PCDHGA4: variants seen among roughly 807,000 people sequenced by gnomAD.
The protein encoded by PCDHGA4 is protocadherin gamma subfamily A, 4, also known as protocadherin gamma-A4.
Under a neutral mutation model 54.6 loss-of-function variants are expected in PCDHGA4, and 38 were observed. That is an observed-to-expected ratio of 0.70 (90% confidence interval 0.54 to 0.91). PCDHGA4 has a LOEUF of 0.91. Among genes scored for constraint, PCDHGA4 ranks in the 40% least tolerant of loss-of-function variants. The pLI is 0.00. For missense variants in PCDHGA4, 1,298 were observed against 1,220.9 expected (o/e 1.06, Z -0.94); for synonymous variants, 511 against 512.9 (o/e 1.00, Z 0.05).
At chr5:141,403,507 A>G (rs373170550) in intron 1 of PCDHGA4, 1 of 1,614,006 alleles carries the variant, frequency 6.2e-7, no homozygotes, top group Non-Finnish European at 8.5e-7. Context: ...TGCAGACTGG[A>G]GACAATGGAG....
chr5:141,442,700 T>TC (rs1388243183), intron 1 of PCDHGA4, among the ~76,000 whole-genome samples: 5 of 152,198 alleles, frequency 3.3e-5, no homozygotes, highest in Non-Finnish European at 7.3e-5. Flanking sequence ...CAGACAAGAG[T>TC]ATCAGACATG....
At chr5:141,404,635 A>C (rs2094549114) in intron 1 of PCDHGA4, 1 of 1,614,130 alleles carries the variant, frequency 6.2e-7, no homozygotes, top group Non-Finnish European at 8.5e-7. Context: ...ATGCCCCAGA[A>C]ATCCTGTACC....
Position 141,356,257 on chromosome 5 carries a change from A to G in PCDHGA4, c.1150A>G (p.Thr384Ala), listed in dbSNP as rs757847704. 6.4e-7 allele frequency: 1 copy of G among 1,569,886 alleles called. No homozygotes were observed. Among genetic ancestry groups the G allele is most frequent in the Admixed American group, 1.9e-5 (1 of 52,730 alleles). ...ACCAGAAGTCACAGTTACATCTCTCACCAGCTCAGTCCAGGAATCTTCTTC... is the reference window on the plus strand; with the variant it reads ...ACCAGAAGTCACAGTTACATCTCTCGCCAGCTCAGTCCAGGAATCTTCTTC... ...NAPEVTVTSL[T>A]SSVQESSSPG... Residue 384 changes from threonine (T) to alanine (A), a missense_variant, in exon 1 of 4, where the codon ACC becomes GCC. By Grantham distance (58) the Thr-to-Ala change is moderately conservative. Coordinates refer to ENST00000571252, the MANE Select transcript of PCDHGA4 (RefSeq NM_018917.4).
In PCDHGA4 at chr5:141,389,323, G is replaced by T. The variant is rs1230521211; in HGVS notation, c.2514+31702G>T. 26 of 1,613,980 alleles carry T rather than the reference G, an allele frequency of 1.6e-5. No individual in the cohort carries two copies. Among genetic ancestry groups the T allele is most frequent in the Non-Finnish European group, 1.8e-5 (21 of 1,179,896 alleles). ...GTCAGGGCTTCTGATCCGGACTTGG[G>T]GCCCAACGGCCAAGTCTCTTACTGC... On this transcript the variant is annotated intron_variant, in intron 1 of 3. Transcript: ENST00000571252.
intron 1 of PCDHGA4, chr5:141,433,024 C>A: frequency 6.2e-7 from 1 of 1,614,168 alleles, no homozygotes; most frequent in African/African-American, 1.3e-5. Flanking sequence ...CCTATTCCCA[C>A]GAGGTTTCCC....
chr5:141,372,926 G>C, intron 1 of PCDHGA4: 3 of 943,814 alleles, frequency 3.2e-6, no homozygotes, highest in Non-Finnish European at 4.6e-6. Context: ...TTGATTTTCT[G>C]GTGTAGAGTA....
Position 141,432,295 on chromosome 5 carries a change from G to A in PCDHGA4, c.2515-62512G>A. 6.2e-7 allele frequency: 1 copy of A among 1,614,222 alleles called. No individual in the cohort carries two copies. The highest frequency in any genetic ancestry group is 8.5e-7 in the Non-Finnish European group (1 of 1,180,034). ...ACGTGTCCATCAACTCCGACACTGG[G>A]GTACTGTATGCGCTGAGCTCCTTCG... is the stretch of plus-strand genomic sequence containing the variant. On this transcript the variant is annotated intron_variant, in intron 1 of 3. Coordinates refer to ENST00000571252, the MANE Select transcript of PCDHGA4 (RefSeq NM_018917.4). This position sits in a 1 kb window ranked among gnomAD's most constrained non-coding sequence, Gnocchi z 6.0.
At chr5:141,361,233 C>T (rs1266504186) in intron 1 of PCDHGA4, 5 of 1,613,834 alleles carry the variant, frequency 3.1e-6, no homozygotes, top group Non-Finnish European at 4.2e-6. Context: ...GAACAGTGAT[C>T]GCCTTGATAA....
At chr5:141,372,616 C>T (rs1289157345) in intron 1 of PCDHGA4, 1 of 1,613,978 alleles carries the variant, frequency 6.2e-7, no homozygotes, top group African/African-American at 1.3e-5. Flanking sequence ...GGAGTTCTCC[C>T]CACCTACAGC....
In PCDHGA4 at chr5:141,372,254, C is replaced by T. The variant is rs776276298; in HGVS notation, c.2514+14633C>T. The T allele has an allele frequency of 2.2e-5, 35 of 1,612,978 alleles. No homozygotes were observed. In the East Asian group the frequency reaches 7.6e-4, roughly 35 times the overall value. On this transcript the variant is annotated intron_variant, in intron 1 of 3. Transcript: ENST00000571252. ...GCGAGCCCGGGCTGTTCAGCCTGGG[C>T]CTGCGCACGGGTGAGGTGCGCACGG...
rs1328476453 is a variant in PCDHGA4, at chr5:141,431,444, C to T, written c.2515-63363C>T. 4.3e-6 allele frequency: 7 copies of T among 1,613,732 alleles called. No homozygotes were observed. The highest frequency in any genetic ancestry group is 5.9e-6 in the Non-Finnish European group (7 of 1,180,022). On this transcript the variant is annotated intron_variant, in intron 1 of 3. Transcript: ENST00000571252. The surrounding 1 kb of genome is among the most constrained non-coding windows in gnomAD (Gnocchi z 4.8). ...GGTGCGCACAGGCACCGCGCGCATCCGCGTGATGGTTCTGGATGCGAACGA... is the reference window on the plus strand; with the variant it reads ...GGTGCGCACAGGCACCGCGCGCATCTGCGTGATGGTTCTGGATGCGAACGA...
At chr5:141,385,577 T>A in intron 1 of PCDHGA4, 1 of 1,290,108 alleles carries the variant, frequency 7.8e-7, no homozygotes, top group Non-Finnish European at 9.8e-7. Context: ...TACTTTCCAA[T>A]CTATGTTCCA....
intron 2 of PCDHGA4, among the ~76,000 whole-genome samples, chr5:141,500,906 G>C (rs1333707004): frequency 6.7e-6 from 1 of 149,672 alleles, no homozygotes; most frequent in African/African-American, 2.5e-5. Flanking sequence ...GTCTCGCTCT[G>C]TCTCCAGGCT....
chr5:141,422,807 G>C (rs199507728), intron 1 of PCDHGA4: 7 of 1,614,198 alleles, frequency 4.3e-6, no homozygotes, highest in Non-Finnish European at 5.9e-6. Context: ...GAGCAGTTTC[G>C]AGACTTAGAA....
intron 1 of PCDHGA4, among the ~76,000 whole-genome samples, chr5:141,368,623 C>A (rs1765768097): frequency 6.6e-6 from 1 of 152,060 alleles, no homozygotes; most frequent in Non-Finnish European, 1.5e-5. Flanking sequence ...GGGTACATTT[C>A]TTCTGAGTTA....
intron 1 of PCDHGA4, chr5:141,391,220 T>C (rs1189350408): frequency 6.6e-6 from 1 of 152,208 alleles, no homozygotes; most frequent in South Asian, 2.1e-4. Context: ...GAACATTATA[T>C]GAGCCTTTTG....
Position 141,431,559 on chromosome 5 carries a change from C to T in PCDHGA4, c.2515-63248C>T. 6.2e-7 allele frequency: 1 copy of T among 1,614,158 alleles called. No individual in the cohort carries two copies. On this transcript the variant is annotated intron_variant, in intron 1 of 3. Transcript: ENST00000571252. The surrounding 1 kb of genome is among the most constrained non-coding windows in gnomAD (Gnocchi z 4.8). ...ACGCAGCTGCTTGTAGTCAACGCTA[C>T]CGACCCTGACGAAGGAGTCAATGCG...
chr5:141,420,080 C>G, intron 1 of PCDHGA4: 2 of 1,614,010 alleles, frequency 1.2e-6, no homozygotes, highest in African/African-American at 1.3e-5. Flanking sequence ...TGTGGGTCCC[C>G]CCAACTACAG....
chr5:141,502,578 T>C (rs2099815145), intron 2 of PCDHGA4, among the ~76,000 whole-genome samples: 1 of 152,198 alleles, frequency 6.6e-6, no homozygotes, highest in African/African-American at 2.4e-5. Context: ...TATAAAAATA[T>C]ATTTTTATAA....
Sources: allele counts gnomAD v4.1 joint callset (sites outside exome capture counted in the v4.1 genomes callset), GRCh38; gene constraint gnomAD v4.1.1; non-coding constraint Gnocchi (gnomAD v3.1); transcripts MANE v1.5; gene names NCBI Gene and HGNC (gene_info 2026-07-23, HGNC 2026-07-21).